The following NCOR1 variants were observed in gnomAD, a reference collection of about 807,000 sequenced individuals.
NCOR1 encodes the protein nuclear receptor corepressor 1.
In NCOR1, 63 loss-of-function variants were observed where a neutral mutation model predicts 288.1. The observed-to-expected ratio is 0.22, with a 90% confidence interval of 0.18 to 0.27. NCOR1 has a LOEUF of 0.27. NCOR1 is among the 10% of genes least tolerant of loss of function. NCOR1 has a pLI of 1.00. For missense variants in NCOR1, 2,397 were observed against 3,019.2 expected (o/e 0.79, Z 4.83); for synonymous variants, 1,007 against 1,065.9 (o/e 0.94, Z 1.08).
intron 23 of NCOR1, among the ~76,000 whole-genome samples, chr17:16,083,451 G>C (rs999962710): frequency 7.9e-5 from 12 of 151,972 alleles, no homozygotes; most frequent in African/African-American, 2.9e-4. Flanking sequence ...AAACTTTAAA[G>C]CGCTGCTGAG....
At chr17:16,039,064 C>A (rs1046226241) in intron 44 of NCOR1, among the ~76,000 whole-genome samples, 1 of 152,242 alleles carries the variant, frequency 6.6e-6, no homozygotes, top group Admixed American at 6.5e-5. Context: ...CCACCGCACC[C>A]GGCTGGCTTA....
In NCOR1 at chr17:16,034,844, T is replaced by C; in HGVS notation, c.7056A>G (p.Ser2352=). Residue 2352 remains serine (S), a synonymous_variant, in exon 45 of 46, where the codon TCA becomes TCG. Coordinates refer to ENST00000268712, the MANE Select transcript of NCOR1 (RefSeq NM_006311.4). ...QGYLGTERPS[S]VSSVHSEGDY... ...CCCCTTCTGAATGTACAGAGGAGAC[T>C]GAAGAGGGCCGTTCCGTTCCTAAGT... is the stretch of plus-strand genomic sequence containing the variant. 6.2e-7 allele frequency: 1 copy of C among 1,614,122 alleles called. No individual in the cohort carries two copies. The highest frequency in any genetic ancestry group is 1.3e-5 in the African/African-American group (1 of 75,018).
At chr17:16,102,186 T>C (rs1338883179) in intron 19 of NCOR1, among the ~76,000 whole-genome samples, 1 of 152,192 alleles carries the variant, frequency 6.6e-6, no homozygotes, top group East Asian at 1.9e-4. Context: ...CTCCATCCAA[T>C]AGACATATAA....
chr17:16,127,552 C>CATGTGTATATATGTATGTATATATACAT (rs1261721766), intron 14 of NCOR1, among the ~76,000 whole-genome samples: 7 of 120,600 alleles, frequency 5.8e-5, no homozygotes, highest in African/African-American at 7.5e-5. Context: ...TATATATACA[C>CATGTGTATATATGTATGTATATATACAT]ATGTGTATAT....
rs1246414069 is a variant in NCOR1 at position 16,057,755 on chromosome 17, AG to A, written c.6169-19del. 1.2e-5 allele frequency: 19 copies of A among 1,609,394 alleles called. No individual in the cohort carries two copies. In the African/African-American group the frequency reaches 2.1e-4, roughly 18 times the overall value. On this transcript the variant is annotated intron_variant, in intron 39 of 45. Transcript: ENST00000268712. ...ATAATTTGCTGTGAATGAGAAATGA[AG>A]GAAGTGGTAAAATTCATTGAGTACT...
chr17:16,213,583 T>C (rs1279681174), intron 1 of NCOR1, among the ~76,000 whole-genome samples: 1 of 150,782 alleles, frequency 6.6e-6, no homozygotes, highest in Non-Finnish European at 1.5e-5. Flanking sequence ...AGATAGAAAG[T>C]GTAAATGCCG....
intron 15 of NCOR1, 47 bp downstream of exon 15, chr17:16,126,035 A>T: frequency 1.0e-6 from 1 of 957,578 alleles, no homozygotes; most frequent in Non-Finnish European, 1.5e-6. Flanking sequence ...TAAAAATAAA[A>T]TAAAAATAAA....
intron 1 of NCOR1, among the ~76,000 whole-genome samples, chr17:16,204,498 T>G (rs1196111695): frequency 6.6e-6 from 1 of 152,232 alleles, no homozygotes. Context: ...CTTCTTACTA[T>G]GACAACCAAT....
chr17:16,169,608 G>T (rs534228364), intron 4 of NCOR1, among the ~76,000 whole-genome samples: 16 of 147,992 alleles, frequency 1.1e-4, no homozygotes, highest in African/African-American at 3.5e-4. Flanking sequence ...CTAGAGTCGG[G>T]GTCCTGGGTT....
intron 21 of NCOR1, among the ~76,000 whole-genome samples, chr17:16,092,923 C>T (rs1313266338): frequency 2.0e-5 from 3 of 151,074 alleles, no homozygotes; most frequent in Non-Finnish European, 1.5e-5. Context: ...AGGCTGGTCT[C>T]GAACTCCTGG....
intron 22 of NCOR1, chr17:16,091,574 C>T (rs2078050): frequency 0.56 from 668,075 of 1,198,934 alleles, 191,228 homozygotes; most frequent in African/African-American, 0.73. Context: ...TTCAGATGAA[C>T]GGAACATAAA....
At chr17:16,155,532 A>G (rs2079611612) in intron 6 of NCOR1, among the ~76,000 whole-genome samples, 1 of 152,196 alleles carries the variant, frequency 6.6e-6, no homozygotes, top group Non-Finnish European at 1.5e-5. Flanking sequence ...TTGAACTGTT[A>G]AAAATAGTCT....
intron 44 of NCOR1, 170 bp downstream of exon 44, chr17:16,039,260 TATA>T (rs769115225): frequency 3.2e-5 from 20 of 628,116 alleles, no homozygotes; most frequent in Non-Finnish European, 4.1e-5. Flanking sequence ...CTGTTCATAT[TATA>T]ATGTCTGGGT....
At chr17:16,143,402 C>A (rs1285391280) in intron 11 of NCOR1, among the ~76,000 whole-genome samples, 7 of 152,180 alleles carry the variant, frequency 4.6e-5, no homozygotes, top group Non-Finnish European at 5.9e-5. Flanking sequence ...CTCCTTGCTG[C>A]CAAAGCCATC....
intron 27 of NCOR1, among the ~76,000 whole-genome samples, chr17:16,074,512 A>G (rs1050774347): frequency 1.3e-5 from 2 of 152,240 alleles, no homozygotes; most frequent in Admixed American, 1.3e-4. Context: ...TTAACCCCAA[A>G]AACAAAATGT....
Position 16,050,719 on chromosome 17 carries a change from A to T in NCOR1, c.6393-1731T>A, listed in dbSNP as rs1334795822. Among the ~76,000 whole-genome samples, 4 of 133,950 alleles carry T rather than the reference A, an allele frequency of 3.0e-5. No homozygotes were observed. In the East Asian group the frequency reaches 7.9e-4, roughly 26 times the overall value. 87.9% of individuals were successfully genotyped at this position (133,950 alleles called of 152,430 possible). On this transcript the variant is annotated intron_variant, in intron 40 of 45. Coordinates refer to ENST00000268712, the MANE Select transcript of NCOR1 (RefSeq NM_006311.4). ...GCTGTTTACCTCCAAAACTCTGTAAATAATCTTAAACATGTTTTTTTTATT... is the reference window on the plus strand; with the variant it reads ...GCTGTTTACCTCCAAAACTCTGTAATTAATCTTAAACATGTTTTTTTTATT...
At chr17:16,077,413 C>T (rs1167818163) in intron 26 of NCOR1, among the ~76,000 whole-genome samples, 1 of 134,396 alleles carries the variant, frequency 7.4e-6, no homozygotes, top group African/African-American at 2.8e-5. Context: ...AAAAAGCAAG[C>T]AAGCAAAAAG....
At chr17:16,203,292 GC>G (rs2091088452) in intron 1 of NCOR1, among the ~76,000 whole-genome samples, 1 of 152,166 alleles carries the variant, frequency 6.6e-6, no homozygotes. Flanking sequence ...ATGACCCAAG[GC>G]CCTACTTGAT....
At chr17:16,196,757 G>A (rs1453312908) in intron 1 of NCOR1, among the ~76,000 whole-genome samples, 6 of 150,440 alleles carry the variant, frequency 4.0e-5, no homozygotes, top group South Asian at 2.1e-4. Context: ...CCCGGGAGGC[G>A]GAGCTTGCCG....
Sources: allele counts gnomAD v4.1 joint callset (sites outside exome capture counted in the v4.1 genomes callset), GRCh38; gene constraint gnomAD v4.1.1; transcripts MANE v1.5; gene names NCBI Gene and HGNC (gene_info 2026-07-23, HGNC 2026-07-21).